ZNF385B: variants seen among roughly 807,000 people sequenced by gnomAD.
The protein encoded by ZNF385B is zinc finger protein 533.
A neutral mutation model predicts 39.2 loss-of-function variants in ZNF385B; 23 were observed. The ratio of observed to expected loss-of-function variants is 0.59; its 90% CI spans 0.42 to 0.83. The LOEUF (loss-of-function observed/expected upper bound fraction) is 0.83. Among genes scored for constraint, ZNF385B ranks in the 40% least tolerant of loss-of-function variants. The pLI, the probability that ZNF385B is intolerant of heterozygous loss-of-function variation, is 0.00. For missense variants in ZNF385B, 552 were observed against 598.9 expected (o/e 0.92, Z 0.82); for synonymous variants, 205 against 222.6 (o/e 0.92, Z 0.70).
chr2:179,746,996 T>C (rs1022673862), intron 3 of ZNF385B, among the ~76,000 whole-genome samples: 2 of 152,180 alleles, frequency 1.3e-5, no homozygotes, highest in Admixed American at 1.3e-4. Context: ...TAAGGTTCTA[T>C]TCAATTTTTT....
chr2:179,479,740 G>T (rs751930879), intron 6 of ZNF385B, among the ~76,000 whole-genome samples: 1 of 152,114 alleles, frequency 6.6e-6, no homozygotes, highest in African/African-American at 2.4e-5. Flanking sequence ...CTCGGAGGCT[G>T]AGGCATGAGA....
At chr2:179,622,854 C>G (rs1690329734) in intron 3 of ZNF385B, among the ~76,000 whole-genome samples, 1 of 151,972 alleles carries the variant, frequency 6.6e-6, no homozygotes, top group Non-Finnish European at 1.5e-5. Flanking sequence ...GGGTGCCTAG[C>G]AAAGGGAGGG....
chr2:179,492,202 A>C (rs2105655705), intron 5 of ZNF385B, among the ~76,000 whole-genome samples: 2 of 152,330 alleles, frequency 1.3e-5, no homozygotes, highest in African/African-American at 4.8e-5. Flanking sequence ...CAGAGTTTAT[A>C]GTGTTTTCAC....
rs1702350173 is a variant in ZNF385B, at chr2:179,745,832, T to A, written c.298+23671A>T. 3 of 1,396,956 alleles carry A rather than the reference T, an allele frequency of 2.1e-6. No individual in the cohort carries two copies. The Admixed American group carries it at 9.0e-5, about 42-fold the overall frequency. The allele number at this position is 1,396,956 out of a possible 1,614,324, so 86.5% of individuals were successfully genotyped here. A position where few individuals can be genotyped will look rare whatever the true frequency, so the allele number is the denominator to read the frequency against. On this transcript the variant is annotated intron_variant, in intron 3 of 9. Coordinates refer to ENST00000410066, the MANE Select transcript of ZNF385B (RefSeq NM_152520.6). ...GATAATGCACAGCGCTACCGAGACT[T>A]GGCTCCAGCCCTGATTATCTGTGTG...
At chr2:179,697,045 C>T (rs1244425186) in intron 3 of ZNF385B, among the ~76,000 whole-genome samples, 1 of 152,154 alleles carries the variant, frequency 6.6e-6, no homozygotes, top group Admixed American at 6.5e-5. Flanking sequence ...TGGTATTTTC[C>T]AGAGATCTTC....
intron 3 of ZNF385B, among the ~76,000 whole-genome samples, chr2:179,676,857 C>T (rs1696902670): frequency 6.6e-6 from 1 of 152,136 alleles, no homozygotes; most frequent in East Asian, 1.9e-4. Context: ...TGCTGCTAAA[C>T]ATGCCAAATG....
At chr2:179,854,160 G>A (rs973388890) in intron 1 of ZNF385B, among the ~76,000 whole-genome samples, 1 of 152,070 alleles carries the variant, frequency 6.6e-6, no homozygotes, top group Non-Finnish European at 1.5e-5. Flanking sequence ...CTCAGCCTGT[G>A]AGAAAAAGTT....
chr2:179,493,809 A>ATATGTATATG, intron 5 of ZNF385B, among the ~76,000 whole-genome samples: 1 of 145,522 alleles, frequency 6.9e-6, no homozygotes, highest in East Asian at 2.0e-4. Context: ...ATGTATATAT[A>ATATGTATATG]CATATATATA....
intron 3 of ZNF385B, among the ~76,000 whole-genome samples, chr2:179,586,804 C>T (rs150448427): frequency 0.09 from 13,632 of 152,120 alleles, 644 homozygotes; most frequent in Non-Finnish European, 0.1. Flanking sequence ...TCTGGGAGGC[C>T]GAGGCGGGCG....
intron 3 of ZNF385B, among the ~76,000 whole-genome samples, chr2:179,603,758 G>A (rs1022070515): frequency 6.6e-6 from 1 of 152,120 alleles, no homozygotes; most frequent in Non-Finnish European, 1.5e-5. Context: ...ATGAAAATAG[G>A]ACTAGATTCA....
chr2:179,786,458 T>A (rs889555928), intron 1 of ZNF385B, among the ~76,000 whole-genome samples: 10 of 152,130 alleles, frequency 6.6e-5, no homozygotes, highest in Admixed American at 1.3e-4. Context: ...TTCAACATCA[T>A]AAGAACAACA....
intron 1 of ZNF385B, among the ~76,000 whole-genome samples, chr2:179,858,050 T>G (rs892721329): frequency 5.9e-5 from 9 of 151,942 alleles, no homozygotes; most frequent in Admixed American, 2.6e-4. Context: ...CACAACCAAG[T>G]GTGAAATGAA....
rs2061012016 is a variant in ZNF385B at position 179,557,579 on chromosome 2, ACAT to A, written c.299-12613_299-12611del. 3.8e-5 allele frequency among the ~76,000 whole-genome samples: 3 copies of A among 78,782 alleles called. No individual in the cohort carries two copies. The South Asian group carries it at 1.6e-3, about 42-fold the overall frequency. The allele number at this position is 78,782 out of a possible 152,430, so 51.7% of individuals were successfully genotyped here. ...TACATGTTATATATGTATGTTATAT[ACAT>A]GTATATAACATATATACATGTTATA... On this transcript the variant is annotated intron_variant, in intron 3 of 9. Transcript: ENST00000410066.
chr2:179,588,301 C>G (rs190030404), intron 3 of ZNF385B, among the ~76,000 whole-genome samples: 27 of 152,178 alleles, frequency 1.8e-4, no homozygotes, highest in Non-Finnish European at 2.6e-4. Context: ...TGTTAGCGAG[C>G]ATGGTCTCAA....
At chr2:179,462,403 A>G (rs2051433549) in intron 6 of ZNF385B, among the ~76,000 whole-genome samples, 1 of 152,296 alleles carries the variant, frequency 6.6e-6, no homozygotes, top group East Asian at 1.9e-4. Flanking sequence ...CAAAAGGGGG[A>G]AAAACCACAC....
intron 3 of ZNF385B, among the ~76,000 whole-genome samples, chr2:179,760,803 G>T (rs978898299): frequency 6.6e-6 from 1 of 152,174 alleles, no homozygotes; most frequent in East Asian, 1.9e-4. Flanking sequence ...CACAAGCAGA[G>T]ACTGGAGTGA....
intron 5 of ZNF385B, among the ~76,000 whole-genome samples, chr2:179,490,619 A>G (rs1240570699): frequency 3.3e-5 from 1 of 30,452 alleles, no homozygotes; most frequent in African/African-American, 7.7e-5. Context: ...GGAATATAGT[A>G]AAAAAAAAAA....
intron 6 of ZNF385B, among the ~76,000 whole-genome samples, chr2:179,473,788 T>TG (rs1486800063): frequency 6.6e-6 from 1 of 152,206 alleles, no homozygotes; most frequent in Non-Finnish European, 1.5e-5. Context: ...TTTGGTTTTC[T>TG]GTTCCTGTGT....
chr2:179,536,427 A>G (rs933120320), intron 4 of ZNF385B: 8 of 152,146 alleles, frequency 5.3e-5, no homozygotes, highest in African/African-American at 1.9e-4. Flanking sequence ...AGCACTGAAG[A>G]TGAGGCCCCA....
Sources: gnomAD v4.1 joint callset for allele counts (sites outside exome capture counted in the v4.1 genomes callset) on GRCh38, gnomAD v4.1.1 for gene constraint, MANE v1.5 for transcripts, NCBI Gene and HGNC (gene_info 2026-07-23, HGNC 2026-07-21) for gene names.